Variants in BMERB1 observed in about 807,000 individuals in gnomAD.
BMERB1 encodes the protein bMERB domain containing 1.
Under a neutral mutation model 23.6 loss-of-function variants are expected in BMERB1, and 12 were observed. The ratio of observed to expected loss-of-function variants is 0.51; its 90% CI spans 0.33 to 0.82. BMERB1 has a LOEUF of 0.82. Ranked by LOEUF, BMERB1 falls within the 40% of genes least tolerant of loss-of-function variation. The pLI is 0.03. For missense variants in BMERB1, 247 were observed against 255.4 expected (o/e 0.97, Z 0.22); for synonymous variants, 122 against 96.6 (o/e 1.26, Z -1.54).
At chr16:15,469,760 A>G (rs1173500756) in intron 1 of BMERB1, among the ~76,000 whole-genome samples, 1 of 152,196 alleles carries the variant, frequency 6.6e-6, no homozygotes, top group Non-Finnish European at 1.5e-5. Flanking sequence ...ATAAATGGTA[A>G]TGTGTCTTTA....
At chr16:15,555,575 C>G (rs532720933) in intron 2 of BMERB1, among the ~76,000 whole-genome samples, 43 of 152,226 alleles carry the variant, frequency 2.8e-4, no homozygotes, top group African/African-American at 8.2e-4. Context: ...TGACTGCAAT[C>G]AAAGGAAAGG....
At chr16:15,499,301 G>T (rs536244496) in intron 1 of BMERB1, among the ~76,000 whole-genome samples, 1 of 152,044 alleles carries the variant, frequency 6.6e-6, no homozygotes, top group Non-Finnish European at 1.5e-5. Context: ...GGGAGGCTGA[G>T]GCAGGAGAAT....
intron 3 of BMERB1, among the ~76,000 whole-genome samples, chr16:15,575,381 A>G (rs2030832266): frequency 1.3e-5 from 2 of 152,200 alleles, no homozygotes; most frequent in Admixed American, 6.5e-5. Flanking sequence ...TTAGGCTACT[A>G]TTACCTTCTT....
At position 15,464,036 on chromosome 16, in the gene BMERB1, C is replaced by T. The variant is rs1301975680; in HGVS notation, c.106+29277C>T. Among the ~76,000 whole-genome samples, 6 of 152,132 alleles carry T rather than the reference C, an allele frequency of 3.9e-5. No homozygotes were observed. In the South Asian group the frequency reaches 8.3e-4, roughly 21 times the overall value. On this transcript the variant is annotated intron_variant, in intron 1 of 5. Transcript: ENST00000300006. Reference sequence around the variant, plus strand: ...TTAGAGAAGTAAAGAATCAAGGCCGCGCACAGTGGCTCATGCCTGTAATCT... The same window carrying T: ...TTAGAGAAGTAAAGAATCAAGGCCGTGCACAGTGGCTCATGCCTGTAATCT...
intron 2 of BMERB1, among the ~76,000 whole-genome samples, chr16:15,541,750 T>C (rs1369554585): frequency 6.6e-6 from 1 of 151,060 alleles, no homozygotes; most frequent in Non-Finnish European, 1.5e-5. Context: ...TACAGGCGCC[T>C]GCCACCATGC....
chr16:15,553,466 G>A (rs551346593), intron 2 of BMERB1, among the ~76,000 whole-genome samples: 4 of 152,320 alleles, frequency 2.6e-5, no homozygotes, highest in South Asian at 2.1e-4. Flanking sequence ...TCTGTAAAGG[G>A]CCAAGTACTA....
chr16:15,484,692 G>A (rs894431787), intron 1 of BMERB1, among the ~76,000 whole-genome samples: 26 of 152,080 alleles, frequency 1.7e-4, no homozygotes, highest in East Asian at 1.9e-4. Context: ...GTGAGCCACC[G>A]CACCTGGCCT....
intron 2 of BMERB1, among the ~76,000 whole-genome samples, chr16:15,564,129 C>G (rs370323487): frequency 2.8e-4 from 42 of 152,328 alleles, no homozygotes; most frequent in African/African-American, 9.6e-4. Flanking sequence ...GTCCCATCTT[C>G]CAGCCAGCAG....
chr16:15,514,244 G>C (rs893698974), intron 1 of BMERB1, among the ~76,000 whole-genome samples: 2 of 152,174 alleles, frequency 1.3e-5, no homozygotes, highest in Non-Finnish European at 2.9e-5. Context: ...CCCCAGCTTG[G>C]ATGACAGAGT....
chr16:15,580,247 C>G (rs1452039259), intron 3 of BMERB1, among the ~76,000 whole-genome samples: 3 of 151,954 alleles, frequency 2.0e-5, no homozygotes, highest in African/African-American at 7.3e-5. Context: ...CAGGAACACT[C>G]CATCACATGT....
At chr16:15,507,067 G>A (rs534511069) in intron 1 of BMERB1, among the ~76,000 whole-genome samples, 9 of 152,298 alleles carry the variant, frequency 5.9e-5, no homozygotes, top group East Asian at 1.9e-4. Context: ...TACTAGGCAC[G>A]TAAAGTTATA....
intron 1 of BMERB1, among the ~76,000 whole-genome samples, chr16:15,500,076 C>T (rs1439035440): frequency 6.6e-6 from 1 of 152,162 alleles, no homozygotes; most frequent in Non-Finnish European, 1.5e-5. Context: ...CTTATCACTG[C>T]CCATCTCCAG....
chr16:15,451,634 C>A (rs1396388130), intron 1 of BMERB1, among the ~76,000 whole-genome samples: 1 of 145,076 alleles, frequency 6.9e-6, no homozygotes, highest in African/African-American at 2.5e-5. Flanking sequence ...TCATGGCTCA[C>A]TGAAGCCTTG....
chr16:15,448,383 T>C (rs1359706028), intron 1 of BMERB1, among the ~76,000 whole-genome samples: 1 of 152,118 alleles, frequency 6.6e-6, no homozygotes, highest in Non-Finnish European at 1.5e-5. Context: ...ATCAGAAATC[T>C]TGAAGGGAGA....
At chr16:15,570,721 C>G (rs137935594) in intron 3 of BMERB1, among the ~76,000 whole-genome samples, 1 of 152,030 alleles carries the variant, frequency 6.6e-6, no homozygotes, top group East Asian at 1.9e-4. Context: ...TTGGGCTCCT[C>G]GATTGATTGT....
chr16:15,497,963 T>G (rs994073977), intron 1 of BMERB1, among the ~76,000 whole-genome samples: 2 of 152,202 alleles, frequency 1.3e-5, no homozygotes, highest in Admixed American at 1.3e-4. Flanking sequence ...ATGTGAGTGA[T>G]AATAGCTAAC....
At chr16:15,436,259 T>TAA (rs2050887402) in intron 1 of BMERB1, among the ~76,000 whole-genome samples, 1 of 3,164 alleles carries the variant, frequency 3.2e-4, no homozygotes, top group South Asian at 7.9e-3. Flanking sequence ...TAGTTTAGCT[T>TAA]TTTTTTTTTT....
At chr16:15,510,963 A>G (rs563751672) in intron 1 of BMERB1, among the ~76,000 whole-genome samples, 1 of 152,136 alleles carries the variant, frequency 6.6e-6, no homozygotes, top group African/African-American at 2.4e-5. Flanking sequence ...CGGCCTCTCA[A>G]AGTGCTGGGA....
At chr16:15,526,176 C>T (rs557387026) in intron 2 of BMERB1, among the ~76,000 whole-genome samples, 5 of 152,112 alleles carry the variant, frequency 3.3e-5, no homozygotes, top group Non-Finnish European at 7.4e-5. Context: ...ACATTCTATT[C>T]ACCAGCACTG....
Sources: gnomAD v4.1 joint callset for allele counts (sites outside exome capture counted in the v4.1 genomes callset) on GRCh38, gnomAD v4.1.1 for gene constraint, MANE v1.5 for transcripts, NCBI Gene and HGNC (gene_info 2026-07-23, HGNC 2026-07-21) for gene names.